Variants in ZNF423 observed in about 807,000 individuals in gnomAD.
ZNF423 encodes the protein zinc finger protein 423, also known as Ebf-associated zinc finger protein.
In ZNF423, 12 loss-of-function variants were observed where a neutral mutation model predicts 95.8. The ratio of observed to expected loss-of-function variants is 0.13; its 90% CI spans 0.08 to 0.20. ZNF423 has a LOEUF of 0.20. Ranked by LOEUF, ZNF423 falls within the 10% of genes least tolerant of loss-of-function variation. The pLI is 1.00. For synonymous variants in ZNF423, 749 were observed against 711.9 expected (o/e 1.05, Z -0.83); for missense variants, 1,316 against 1,737.1 (o/e 0.76, Z 4.31).
At chr16:49,765,996 G>T (rs1373551324) in intron 2 of ZNF423, among the ~76,000 whole-genome samples, 1 of 152,134 alleles carries the variant, frequency 6.6e-6, no homozygotes, top group African/African-American at 2.4e-5. Flanking sequence ...CTCTAGAGAT[G>T]GATGGTGGAG....
At chr16:49,644,563 C>T (rs56914711) in intron 3 of ZNF423, among the ~76,000 whole-genome samples, 5,243 of 146,682 alleles carry the variant, frequency 0.036, 296 homozygotes, top group African/African-American at 0.12. Context: ...CTTGGGAGGC[C>T]GAGGCAGGAG....
intron 4 of ZNF423, among the ~76,000 whole-genome samples, chr16:49,626,756 C>A (rs1323120520): frequency 6.6e-6 from 1 of 151,386 alleles, no homozygotes; most frequent in Non-Finnish European, 1.5e-5. Context: ...CATACACACC[C>A]ACCAATAGAC....
intron 3 of ZNF423, among the ~76,000 whole-genome samples, chr16:49,672,712 AG>A (rs1474320793): frequency 6.6e-6 from 1 of 152,200 alleles, no homozygotes; most frequent in Non-Finnish European, 1.5e-5. Context: ...GCTACTCGCG[AG>A]GCTGAGGCAG....
chr16:49,766,426 G>T (rs1297880659), intron 2 of ZNF423, among the ~76,000 whole-genome samples: 1 of 152,178 alleles, frequency 6.6e-6, no homozygotes, highest in African/African-American at 2.4e-5. Flanking sequence ...GCAAGAAAAC[G>T]CAGGTGCTTC....
intron 3 of ZNF423, among the ~76,000 whole-genome samples, chr16:49,686,572 C>A (rs897502914): frequency 1.6e-4 from 25 of 152,152 alleles, no homozygotes; most frequent in African/African-American, 5.8e-4. Flanking sequence ...GCCCTCCCAG[C>A]CTTTCCTGCC....
chr16:49,595,108 A>G (rs1177874273), intron 5 of ZNF423, among the ~76,000 whole-genome samples: 2 of 152,158 alleles, frequency 1.3e-5, no homozygotes, highest in Admixed American at 6.5e-5. Flanking sequence ...CGTCACAGCT[A>G]AAGGCGGGAG....
Position 49,745,385 on chromosome 16 carries a change from A to G in ZNF423, c.101-14414T>C, listed in dbSNP as rs2033500336. Among the ~76,000 whole-genome samples the G allele has an allele frequency of 2.0e-5, 3 of 152,344 alleles. No homozygotes were observed. In the South Asian group the frequency reaches 6.2e-4, roughly 32 times the overall value. ...AAATGCATTCAGGGGCAATAATTCT[A>G]TATTAGCTGTCAGCAGCAGACATCC... On this transcript the variant is annotated intron_variant, in intron 2 of 7. Transcript: ENST00000563137.
At chr16:49,617,901 A>G (rs142615310) in intron 5 of ZNF423, among the ~76,000 whole-genome samples, 3 of 152,180 alleles carry the variant, frequency 2.0e-5, no homozygotes, top group East Asian at 1.9e-4. Context: ...ACTGCACCCA[A>G]TTGATATTCC....
At chr16:49,781,855 G>T (rs1194569785) in intron 2 of ZNF423, among the ~76,000 whole-genome samples, 1 of 152,174 alleles carries the variant, frequency 6.6e-6, no homozygotes, top group Non-Finnish European at 1.5e-5. Flanking sequence ...TTCCCAAGGA[G>T]GTCCCAGGAC....
intron 1 of ZNF423, among the ~76,000 whole-genome samples, chr16:49,803,897 AG>A (rs1332208827): frequency 6.7e-6 from 1 of 149,982 alleles, no homozygotes; most frequent in Admixed American, 6.6e-5. Context: ...GAGCAGACTC[AG>A]GGGTGGGGAA....
chr16:49,853,546 G>C (rs560737062), intron 1 of ZNF423: 185 of 770,410 alleles, frequency 2.4e-4, no homozygotes, highest in Middle Eastern at 6.7e-4. Flanking sequence ...GCTCTGTGTG[G>C]CTGATATTTA....
intron 3 of ZNF423, among the ~76,000 whole-genome samples, chr16:49,648,068 C>G (rs9630636): frequency 0.21 from 32,080 of 152,094 alleles, 3,534 homozygotes; most frequent in Admixed American, 0.25. Flanking sequence ...AGGAACACAT[C>G]AGAGAAAACC....
chr16:49,818,228 C>A (rs1282677947), intron 1 of ZNF423, among the ~76,000 whole-genome samples: 2 of 152,056 alleles, frequency 1.3e-5, no homozygotes, highest in Non-Finnish European at 2.9e-5. Flanking sequence ...TAGAGCAAAG[C>A]CATATAAAAA....
In ZNF423 at chr16:49,492,713, G is replaced by T. The variant is rs1967020536; in HGVS notation, c.3850-1409C>A. On this transcript the variant is annotated intron_variant, in intron 7 of 7. Coordinates refer to ENST00000563137, the MANE Select transcript of ZNF423 (RefSeq NM_001379286.1). This position sits in a 1 kb window ranked among gnomAD's most constrained non-coding sequence, Gnocchi z 4.2. Reference sequence around the variant, plus strand: ...GCGGGCGGAGCAGGCGCACGGCCGGGGCTTGGTGGGCATGCGTGCTCTGTG... The same window carrying T: ...GCGGGCGGAGCAGGCGCACGGCCGGTGCTTGGTGGGCATGCGTGCTCTGTG... 6.6e-6 allele frequency among the ~76,000 whole-genome samples: 1 copy of T among 152,250 alleles called. No homozygotes were observed. The highest frequency in any genetic ancestry group is 1.5e-5 in the Non-Finnish European group (1 of 68,034).
At position 49,826,528 on chromosome 16, in the gene ZNF423, G is replaced by T. The variant is rs373103705; in HGVS notation, c.40+29207C>A. Reference sequence around the variant, plus strand: ...CTAACCACCTGTGTGATTGGGGAAGGTCATTACCCTCCCTAACCCTGTTCC... The same window carrying T: ...CTAACCACCTGTGTGATTGGGGAAGTTCATTACCCTCCCTAACCCTGTTCC... On this transcript the variant is annotated intron_variant, in intron 1 of 7. Transcript: ENST00000563137. Among the ~76,000 whole-genome samples, 5 of 152,292 alleles carry T rather than the reference G, an allele frequency of 3.3e-5. No individual in the cohort carries two copies. In the South Asian group the frequency reaches 1.0e-3, roughly 32 times the overall value.
intron 5 of ZNF423, among the ~76,000 whole-genome samples, chr16:49,623,664 C>T (rs573651487): frequency 5.9e-5 from 9 of 152,292 alleles, no homozygotes; most frequent in African/African-American, 1.9e-4. Context: ...GGCTTTCAGA[C>T]GGAGAAATTA....
chr16:49,675,766 G>A (rs1347558150), intron 3 of ZNF423, among the ~76,000 whole-genome samples: 3 of 152,116 alleles, frequency 2.0e-5, no homozygotes, highest in African/African-American at 4.8e-5. Context: ...TACTGGCACC[G>A]AGACTTTGCT....
At chr16:49,836,202 A>C (rs1010749333) in intron 1 of ZNF423, among the ~76,000 whole-genome samples, 11 of 152,152 alleles carry the variant, frequency 7.2e-5, no homozygotes, top group African/African-American at 2.7e-4. Flanking sequence ...CCAGGCCTTG[A>C]ACCTTGCTGG....
chr16:49,682,594 C>G (rs1377558771), intron 3 of ZNF423, among the ~76,000 whole-genome samples: 1 of 152,116 alleles, frequency 6.6e-6, no homozygotes, highest in East Asian at 1.9e-4. Context: ...GATGCCGCCC[C>G]GAGTATGACA....
Sources: allele counts gnomAD v4.1 joint callset (sites outside exome capture counted in the v4.1 genomes callset), GRCh38; gene constraint gnomAD v4.1.1; non-coding constraint Gnocchi (gnomAD v3.1); transcripts MANE v1.5; gene names NCBI Gene and HGNC (gene_info 2026-07-23, HGNC 2026-07-21).